Variants in CENPP observed in about 807,000 individuals in gnomAD.
CENPP encodes the protein centromere protein P.
A neutral mutation model predicts 35.6 loss-of-function variants in CENPP; 24 were observed. That is an observed-to-expected ratio of 0.67 (90% confidence interval 0.49 to 0.95). The LOEUF (loss-of-function observed/expected upper bound fraction) is 0.95. Among genes scored for constraint, CENPP ranks in the 40% least tolerant of loss-of-function variants. The probability of loss-of-function intolerance (pLI) is 0.00; values close to 1 mark genes in which losing one functional copy is unlikely to be tolerated. For synonymous variants in CENPP, 120 were observed against 125.5 expected (o/e 0.96, Z 0.29); for missense variants, 332 against 345.3 (o/e 0.96, Z 0.31).
chr9:92,367,703 C>T (rs912426644), intron 4 of CENPP, among the ~76,000 whole-genome samples: 3 of 151,930 alleles, frequency 2.0e-5, no homozygotes, highest in South Asian at 2.1e-4. Context: ...CTGCAACCTC[C>T]GCCTCCTGGG....
chr9:92,362,206 T>C (rs968726098), intron 4 of CENPP, among the ~76,000 whole-genome samples: 14 of 151,726 alleles, frequency 9.2e-5, no homozygotes, highest in African/African-American at 3.4e-4. Flanking sequence ...AGGCTCTATC[T>C]CTTCAAAAAG....
At chr9:92,406,209 T>A (rs1843301606) in intron 5 of CENPP, among the ~76,000 whole-genome samples, 1 of 152,058 alleles carries the variant, frequency 6.6e-6, no homozygotes, top group Admixed American at 6.5e-5. Context: ...TCAGAAAATT[T>A]ATAATTTGTT....
At chr9:92,372,354 G>A (rs1176718460) in intron 4 of CENPP, among the ~76,000 whole-genome samples, 1 of 151,718 alleles carries the variant, frequency 6.6e-6, no homozygotes, top group African/African-American at 2.4e-5. Context: ...ATCTGTTTAT[G>A]TTCCAGTTTA....
intron 5 of CENPP, among the ~76,000 whole-genome samples, chr9:92,382,872 G>GTCTGTA (rs1842288784): frequency 1.4e-5 from 2 of 146,710 alleles, no homozygotes; most frequent in Non-Finnish European, 3.0e-5. Context: ...CTGTACTTAC[G>GTCTGTA]CTAGTACCAC....
rs752904004 is a variant in CENPP, at chr9:92,414,966, A to G, written c.564+35107A>G. ...CTAATTTATATTTTTAAAGATTTAC[A>G]TTATTTTGAGTAAGTTCTAATCCTA... On this transcript the variant is annotated intron_variant, in intron 5 of 7. Coordinates refer to ENST00000375587, the MANE Select transcript of CENPP (RefSeq NM_001012267.3). 505 of 401,390 alleles carry G rather than the reference A, an allele frequency of 1.3e-3. 4 individuals carry two copies. The highest frequency in any genetic ancestry group is 6.9e-4 in the Admixed American group (16 of 23,058). The allele number at this position is 401,390 out of a possible 1,614,324, so 24.9% of individuals were successfully genotyped here. A position where few individuals can be genotyped will look rare whatever the true frequency, so the allele number is the denominator to read the frequency against.
intron 5 of CENPP, among the ~76,000 whole-genome samples, chr9:92,486,944 G>A (rs904243464): frequency 1.4e-4 from 22 of 152,162 alleles, no homozygotes; most frequent in Admixed American, 1.4e-3. Context: ...ACCACGCCTG[G>A]CTAATTTTTG....
intron 5 of CENPP, among the ~76,000 whole-genome samples, chr9:92,450,437 A>G (rs1844675266): frequency 2.0e-5 from 3 of 152,024 alleles, no homozygotes; most frequent in East Asian, 1.9e-4. Flanking sequence ...ATCATTTTTT[A>G]TGGCTGCATA....
chr9:92,500,737 T>C, intron 5 of CENPP: 1 of 1,609,148 alleles, frequency 6.2e-7, no homozygotes, highest in Non-Finnish European at 8.5e-7. Context: ...CGTATCTTGT[T>C]GTTGTTCAGC....
chr9:92,501,368 G>C (rs1032479132), intron 5 of CENPP, among the ~76,000 whole-genome samples: 1 of 152,158 alleles, frequency 6.6e-6, no homozygotes, highest in Non-Finnish European at 1.5e-5. Flanking sequence ...CTGTACGGTT[G>C]ATGCGTTGAA....
intron 3 of CENPP, among the ~76,000 whole-genome samples, chr9:92,345,068 G>A (rs906634859): frequency 6.6e-6 from 1 of 151,144 alleles, no homozygotes; most frequent in Non-Finnish European, 1.5e-5. Flanking sequence ...TGGCTAACAC[G>A]GTGAAACCCC....
At chr9:92,401,996 A>C (rs1843134694) in intron 5 of CENPP, among the ~76,000 whole-genome samples, 1 of 152,064 alleles carries the variant, frequency 6.6e-6, no homozygotes, top group Non-Finnish European at 1.5e-5. Context: ...TTTGCACATC[A>C]AGTCCTGTTG....
chr9:92,513,852 A>G (rs1007733772), intron 5 of CENPP, among the ~76,000 whole-genome samples: 13 of 152,160 alleles, frequency 8.5e-5, no homozygotes, highest in African/African-American at 3.1e-4. Context: ...TTACATGACT[A>G]TGTGCATTTG....
At chr9:92,515,078 C>T in intron 5 of CENPP, 1 of 1,614,112 alleles carries the variant, frequency 6.2e-7, no homozygotes, top group Non-Finnish European at 8.5e-7. Flanking sequence ...ACTATTCGGT[C>T]CATTCCCACC....
chr9:92,522,949 T>C, intron 5 of CENPP: 1 of 1,465,870 alleles, frequency 6.8e-7, no homozygotes, highest in Non-Finnish European at 9.0e-7. Flanking sequence ...CTTCTGAAAA[T>C]TGGCTTATAT....
chr9:92,457,567 T>C (rs1297805562), intron 5 of CENPP: 1 of 1,024,954 alleles, frequency 9.8e-7, no homozygotes, highest in Non-Finnish European at 1.5e-6. Flanking sequence ...CATTTGTTTG[T>C]GGGTTTATTC....
intron 5 of CENPP, chr9:92,474,987 C>T (rs1325235891): frequency 1.4e-6 from 2 of 1,408,946 alleles, no homozygotes. Flanking sequence ...ATACATTTCT[C>T]AGTTCTGGCA....
intron 5 of CENPP, among the ~76,000 whole-genome samples, chr9:92,570,774 A>G (rs899328406): frequency 1.3e-5 from 2 of 151,874 alleles, no homozygotes. Context: ...TTGGTCTATT[A>G]AGAGATTCAA....
At chr9:92,582,882 C>A (rs1392388768) in intron 5 of CENPP, among the ~76,000 whole-genome samples, 3 of 152,106 alleles carry the variant, frequency 2.0e-5, no homozygotes, top group Non-Finnish European at 4.4e-5. Context: ...TGTGGCCCAC[C>A]GAGTCTTCAG....
chr9:92,421,704 G>A (rs1049708055), intron 5 of CENPP, among the ~76,000 whole-genome samples: 7 of 152,360 alleles, frequency 4.6e-5, no homozygotes, highest in Non-Finnish European at 8.8e-5. Context: ...TTCTAGTGAT[G>A]AGGCACTATG....
Sources: gnomAD v4.1 joint callset for allele counts (sites outside exome capture counted in the v4.1 genomes callset) on GRCh38, gnomAD v4.1.1 for gene constraint, MANE v1.5 for transcripts, NCBI Gene and HGNC (gene_info 2026-07-23, HGNC 2026-07-21) for gene names.